ASIC2: variants seen among roughly 807,000 people sequenced by gnomAD.
The protein encoded by ASIC2 is acid sensing ion channel subunit 2.
In ASIC2, 25 loss-of-function variants were observed where a neutral mutation model predicts 57.3. The observed-to-expected ratio is 0.44, with a 90% CI of 0.32 to 0.61. ASIC2 has a LOEUF of 0.61. Ranked by LOEUF, ASIC2 falls within the 20% of genes least tolerant of loss-of-function variation. ASIC2 has a pLI of 0.06. For missense variants in ASIC2, 641 were observed against 738.1 expected (o/e 0.87, Z 1.52); for synonymous variants, 319 against 307.5 (o/e 1.04, Z -0.39).
intron 1 of ASIC2, among the ~76,000 whole-genome samples, chr17:33,525,804 C>G (rs1457254106): frequency 6.6e-6 from 1 of 152,182 alleles, no homozygotes; most frequent in African/African-American, 2.4e-5. Flanking sequence ...GCCTATGACT[C>G]CTATCCATCC....
intron 1 of ASIC2, among the ~76,000 whole-genome samples, chr17:33,158,862 G>A (rs72819126): frequency 0.018 from 2,672 of 152,324 alleles, 24 homozygotes; most frequent in Middle Eastern, 0.031. Context: ...GTAATTAAGT[G>A]AGGTGTAGAA....
intron 1 of ASIC2, among the ~76,000 whole-genome samples, chr17:34,063,270 A>C (rs1909036982): frequency 6.6e-6 from 1 of 152,220 alleles, no homozygotes; most frequent in Non-Finnish European, 1.5e-5. Flanking sequence ...AACAAAAATC[A>C]CATGATCATC....
chr17:33,861,812 A>G (rs78549430), intron 1 of ASIC2, among the ~76,000 whole-genome samples: 4,440 of 152,296 alleles, frequency 0.029, 199 homozygotes, highest in African/African-American at 0.1. Context: ...ATGTCTTGCT[A>G]CAATAGATGC....
At chr17:34,022,136 T>C (rs1414128973) in intron 1 of ASIC2, among the ~76,000 whole-genome samples, 1 of 152,152 alleles carries the variant, frequency 6.6e-6, no homozygotes, top group Admixed American at 6.5e-5. Flanking sequence ...CTCCAGGTGA[T>C]TTTTATGTGC....
At chr17:34,056,885 C>T (rs764571181) in intron 1 of ASIC2, among the ~76,000 whole-genome samples, 27 of 152,124 alleles carry the variant, frequency 1.8e-4, no homozygotes, top group Admixed American at 4.6e-4. Context: ...ACAACCCATT[C>T]GTGTGAAAAC....
chr17:33,538,971 C>T (rs2141967160), intron 1 of ASIC2, among the ~76,000 whole-genome samples: 1 of 152,202 alleles, frequency 6.6e-6, no homozygotes, highest in East Asian at 1.9e-4. Flanking sequence ...CCCCACTTCT[C>T]CCAGCAAGCA....
intron 1 of ASIC2, among the ~76,000 whole-genome samples, chr17:33,643,801 G>A (rs1040948500): frequency 1.3e-5 from 2 of 152,246 alleles, no homozygotes; most frequent in Admixed American, 1.3e-4. Flanking sequence ...CATTGACTTG[G>A]GGCCTGCATG....
chr17:33,887,740 C>T (rs1421249557), intron 1 of ASIC2, among the ~76,000 whole-genome samples: 1 of 152,184 alleles, frequency 6.6e-6, no homozygotes, highest in African/African-American at 2.4e-5. Flanking sequence ...CCTGTAGGCT[C>T]AGACCCTACC....
chr17:33,864,176 G>C (rs1050774756), intron 1 of ASIC2, among the ~76,000 whole-genome samples: 1 of 151,898 alleles, frequency 6.6e-6, no homozygotes, highest in Non-Finnish European at 1.5e-5. Flanking sequence ...CAAAGTGCTG[G>C]GATTATAGGC....
intron 1 of ASIC2, among the ~76,000 whole-genome samples, chr17:34,138,590 GC>G (rs1043112832): frequency 6.6e-6 from 1 of 152,168 alleles, no homozygotes; most frequent in Non-Finnish European, 1.5e-5. Flanking sequence ...TGCTGTCACT[GC>G]CCTTCTCCAC....
chr17:33,087,769 G>A (rs2092140620), intron 3 of ASIC2, among the ~76,000 whole-genome samples: 1 of 151,400 alleles, frequency 6.6e-6, no homozygotes, highest in African/African-American at 2.4e-5. Context: ...ATGTTGCCCA[G>A]GCTGGTCTTG....
At chr17:33,698,529 C>G (rs970529892) in intron 1 of ASIC2, among the ~76,000 whole-genome samples, 4 of 151,948 alleles carry the variant, frequency 2.6e-5, no homozygotes, top group African/African-American at 4.8e-5. Context: ...AGTAAGTGAC[C>G]CCATGAAAAT....
intron 1 of ASIC2, among the ~76,000 whole-genome samples, chr17:33,847,781 AAAGT>A (rs1474349286): frequency 4.6e-5 from 7 of 152,204 alleles, no homozygotes; most frequent in Non-Finnish European, 1.0e-4. Flanking sequence ...AGCACAGAGG[AAAGT>A]ACAGGCCAAT....
At chr17:33,267,191 C>T (rs1322904560) in intron 1 of ASIC2, among the ~76,000 whole-genome samples, 1 of 152,054 alleles carries the variant, frequency 6.6e-6, no homozygotes, top group Non-Finnish European at 1.5e-5. Context: ...CACACATGCC[C>T]ACATAAACAC....
chr17:33,768,619 A>AT (rs1382274452), intron 1 of ASIC2, among the ~76,000 whole-genome samples: 6 of 152,080 alleles, frequency 3.9e-5, no homozygotes. Context: ...CCCCAGTGAA[A>AT]CCCCACCTTC....
At chr17:33,092,160 G>A (rs1430171505) in intron 2 of ASIC2, among the ~76,000 whole-genome samples, 1 of 152,178 alleles carries the variant, frequency 6.6e-6, no homozygotes, top group East Asian at 1.9e-4. Flanking sequence ...GTGTCTTCAT[G>A]GTCAAACCAC....
chr17:33,161,491 C>T (rs1209760812), intron 1 of ASIC2, among the ~76,000 whole-genome samples: 1 of 152,206 alleles, frequency 6.6e-6, no homozygotes, highest in African/African-American at 2.4e-5. Flanking sequence ...TCCACCTTGT[C>T]CCACCATCAC....
chr17:34,031,165 T>G (rs964722427), intron 1 of ASIC2, among the ~76,000 whole-genome samples: 48 of 152,136 alleles, frequency 3.2e-4, no homozygotes, highest in African/African-American at 1.1e-3. Flanking sequence ...GAGACAAAAC[T>G]TCCAGAGGAA....
chr17:33,902,104 C>G (rs997437545), intron 1 of ASIC2, among the ~76,000 whole-genome samples: 3 of 152,062 alleles, frequency 2.0e-5, no homozygotes, highest in Admixed American at 2.0e-4. Flanking sequence ...AAATTAGAAT[C>G]TGAGTTCTCA....
Sources: allele counts gnomAD v4.1 joint callset (sites outside exome capture counted in the v4.1 genomes callset), GRCh38; gene constraint gnomAD v4.1.1; transcripts MANE v1.5; gene names NCBI Gene and HGNC (gene_info 2026-07-23, HGNC 2026-07-21).